GRID1: variants seen among roughly 807,000 people sequenced by gnomAD.
GRID1 encodes the protein glutamate receptor ionotropic, delta-1.
A neutral mutation model predicts 98.0 loss-of-function variants in GRID1; 28 were observed. The ratio of observed to expected loss-of-function variants is 0.29; its 90% CI spans 0.21 to 0.39. The LOEUF is 0.39. Ranked by LOEUF, GRID1 falls within the 10% of genes least tolerant of loss-of-function variation. The probability of loss-of-function intolerance (pLI) is 1.00; values close to 1 mark genes in which losing one functional copy is unlikely to be tolerated. For synonymous variants in GRID1, 553 were observed against 538.5 expected (o/e 1.03, Z -0.37); for missense variants, 1,111 against 1,340.5 (o/e 0.83, Z 2.67).
chr10:85,802,399 A>G (rs1463172773), intron 8 of GRID1, among the ~76,000 whole-genome samples: 4 of 152,134 alleles, frequency 2.6e-5, no homozygotes, highest in Non-Finnish European at 5.9e-5. Flanking sequence ...AATAAAATAG[A>G]GAACCCAGAA....
At chr10:86,033,779 G>A (rs904291196) in intron 4 of GRID1, among the ~76,000 whole-genome samples, 2 of 152,196 alleles carry the variant, frequency 1.3e-5, no homozygotes, top group African/African-American at 4.8e-5. Flanking sequence ...GTCCTAACAA[G>A]ATGGAAATGG....
chr10:85,770,023 T>G lies in GRID1; in HGVS notation c.1234-40409A>C, dbSNP rs562069461. ...ATCTGAGAACGGGCAGACTGCCTCC[T>G]CAAGTGGGACCCTAACCCCTGACCC... On this transcript the variant is annotated intron_variant, in intron 8 of 15. Coordinates refer to ENST00000327946, the MANE Select transcript of GRID1 (RefSeq NM_017551.3). Among the ~76,000 whole-genome samples, 117 of 152,310 alleles carry G rather than the reference T, an allele frequency of 7.7e-4. 3 individuals carry two copies. In the South Asian group the frequency reaches 0.023, roughly 30 times the overall value.
At chr10:86,199,633 G>T (rs561441101) in intron 3 of GRID1, among the ~76,000 whole-genome samples, 3 of 152,248 alleles carry the variant, frequency 2.0e-5, no homozygotes, top group South Asian at 4.1e-4. Flanking sequence ...GCAGCTCCAC[G>T]CTCTTTCAGG....
chr10:86,253,788 C>T (rs1846873156), intron 2 of GRID1, among the ~76,000 whole-genome samples: 1 of 152,172 alleles, frequency 6.6e-6, no homozygotes, highest in South Asian at 2.1e-4. Context: ...CTTCCCTCTC[C>T]ACCTGTAACC....
intron 8 of GRID1, among the ~76,000 whole-genome samples, chr10:85,842,188 G>T (rs1196098919): frequency 6.6e-6 from 1 of 152,100 alleles, no homozygotes; most frequent in Non-Finnish European, 1.5e-5. Flanking sequence ...CATGGTTGGA[G>T]CTGGAGGCCA....
At chr10:85,628,289 A>T (rs1842935031) in intron 13 of GRID1, among the ~76,000 whole-genome samples, 2 of 150,724 alleles carry the variant, frequency 1.3e-5, no homozygotes, top group Admixed American at 6.6e-5. Flanking sequence ...TGAGGATGTG[A>T]GAATTATGTG....
chr10:85,700,268 G>C (rs1714432587), intron 12 of GRID1, among the ~76,000 whole-genome samples: 1 of 152,114 alleles, frequency 6.6e-6, no homozygotes, highest in South Asian at 2.1e-4. Context: ...GATAATAAAA[G>C]AGAAAAACAG....
intron 2 of GRID1, among the ~76,000 whole-genome samples, chr10:86,322,164 C>A (rs1456812985): frequency 1.3e-5 from 2 of 152,044 alleles, no homozygotes; most frequent in African/African-American, 4.8e-5. Flanking sequence ...AGATGAAGAT[C>A]AAATTAGTCA....
chr10:85,736,774 T>G (rs555016335), intron 8 of GRID1, among the ~76,000 whole-genome samples: 2 of 152,168 alleles, frequency 1.3e-5, no homozygotes, highest in Non-Finnish European at 2.9e-5. Flanking sequence ...TCAGCTTGAT[T>G]TGGACATTCG....
chr10:85,789,660 C>T (rs1341479174), intron 8 of GRID1, among the ~76,000 whole-genome samples: 1 of 152,142 alleles, frequency 6.6e-6, no homozygotes, highest in African/African-American at 2.4e-5. Context: ...CAAACACTTT[C>T]AGGTTTCACA....
intron 8 of GRID1, among the ~76,000 whole-genome samples, chr10:85,749,585 A>G (rs10887530): frequency 0.2 from 30,784 of 152,156 alleles, 3,387 homozygotes; most frequent in Middle Eastern, 0.28. Context: ...CTTGGCACCC[A>G]TTTAAAATAA....
At chr10:85,980,319 A>G (rs1842529270) in intron 4 of GRID1, among the ~76,000 whole-genome samples, 1 of 152,264 alleles carries the variant, frequency 6.6e-6, no homozygotes, top group Admixed American at 6.5e-5. Flanking sequence ...GCATACGGCC[A>G]GTGCTCAGTG....
intron 4 of GRID1, among the ~76,000 whole-genome samples, chr10:85,968,634 A>G (rs4244969): frequency 0.56 from 84,974 of 151,844 alleles, 24,717 homozygotes; most frequent in African/African-American, 0.72. Context: ...AATCTGTTCC[A>G]GTTTGTTTTA....
intron 2 of GRID1, among the ~76,000 whole-genome samples, chr10:86,221,679 ACAC>A (rs1321711875): frequency 2.0e-5 from 3 of 152,206 alleles, no homozygotes; most frequent in Non-Finnish European, 4.4e-5. Context: ...TGGCCCGCTC[ACAC>A]TGGGGTGAGA....
intron 8 of GRID1, among the ~76,000 whole-genome samples, chr10:85,800,196 A>G (rs1252748873): frequency 6.6e-6 from 1 of 151,994 alleles, no homozygotes; most frequent in African/African-American, 2.4e-5. Flanking sequence ...TAAGTGAGTA[A>G]TTTCTAAGGA....
At chr10:86,214,406 C>A (rs959920498) in intron 2 of GRID1, among the ~76,000 whole-genome samples, 6 of 152,218 alleles carry the variant, frequency 3.9e-5, no homozygotes, top group Admixed American at 2.0e-4. Flanking sequence ...CTCTAGAGAA[C>A]CTTCCACACC....
intron 2 of GRID1, among the ~76,000 whole-genome samples, chr10:86,321,121 C>CAA (rs5786735): frequency 5.2e-4 from 75 of 144,862 alleles, no homozygotes; most frequent in East Asian, 1.0e-3. Flanking sequence ...AGAAAAAAAG[C>CAA]AAAAAAAAAA....
At chr10:85,631,771 C>A (rs1481167831) in intron 13 of GRID1, among the ~76,000 whole-genome samples, 4 of 151,900 alleles carry the variant, frequency 2.6e-5, no homozygotes, top group African/African-American at 9.7e-5. Flanking sequence ...TAAGAATGAC[C>A]TAAAAGAAAG....
At chr10:86,188,718 T>G (rs906571419) in intron 3 of GRID1, among the ~76,000 whole-genome samples, 1 of 152,152 alleles carries the variant, frequency 6.6e-6, no homozygotes, top group Non-Finnish European at 1.5e-5. Flanking sequence ...CAACATCCCC[T>G]ATTAAAGAAT....
Sources: gnomAD v4.1 joint callset for allele counts (sites outside exome capture counted in the v4.1 genomes callset) on GRCh38, gnomAD v4.1.1 for gene constraint, MANE v1.5 for transcripts, NCBI Gene and HGNC (gene_info 2026-07-23, HGNC 2026-07-21) for gene names.